Variants in STK11IP observed in about 807,000 individuals in gnomAD.
STK11IP encodes the protein serine/threonine-protein kinase 11-interacting protein.
Under a neutral mutation model 131.7 loss-of-function variants are expected in STK11IP, and 103 were observed. That is an observed-to-expected ratio of 0.78 (90% CI 0.67 to 0.92). The LOEUF (loss-of-function observed/expected upper bound fraction) is 0.92. Ranked by LOEUF, STK11IP falls within the 40% of genes least tolerant of loss-of-function variation. The pLI, the probability that STK11IP is intolerant of heterozygous loss-of-function variation, is 0.00. For missense variants in STK11IP, 1,315 were observed against 1,385.7 expected, an observed-to-expected ratio of 0.95 and a Z score of 0.81; for synonymous variants, 557 against 575.6, an observed-to-expected ratio of 0.97 and a Z score of 0.46.
In STK11IP at chr2:219,614,780, C is replaced by T. The variant is rs148202328; in HGVS notation, c.2869+234C>T. ...GTTACCCAGAGCCTTTGCTCTCGGG[C>T]CCAGGCTTTCTATGAAGTGGAGCAG... On this transcript the variant is annotated intron_variant, in intron 23 of 24. Transcript: ENST00000456909. 4.0e-4 allele frequency: 272 copies of T among 686,142 alleles called. 2 individuals carry two copies. The East Asian group carries it at 7.3e-3, about 18-fold the overall frequency. The allele number at this position is 686,142 out of a possible 1,614,324, so 42.5% of individuals were successfully genotyped here.
chr2:219,601,832 C>G, intron 4 of STK11IP, 117 bp downstream of exon 4: 1 of 1,281,254 alleles, frequency 7.8e-7, no homozygotes, highest in South Asian at 1.3e-5. Context: ...ACCCATTGCT[C>G]TGCAGTCATG....
chr2:219,609,555 C>A lies in STK11IP; in HGVS notation c.2104+15C>A. The A allele has an allele frequency of 6.4e-7, 1 of 1,553,506 alleles. No homozygotes were observed. Among genetic ancestry groups the A allele is most frequent in the South Asian group, 1.2e-5 (1 of 84,200 alleles). On this transcript the variant is annotated intron_variant, in intron 17 of 24. Transcript: ENST00000456909. ...CCAAAAGACAGGTACAAGTCCTGCC[C>A]TTGACCTCTCTGCCCACACGCCTCC...
chr2:219,605,749 G>A lies in STK11IP; in HGVS notation c.745+15G>A. On this transcript the variant is annotated intron_variant, in intron 8 of 24. Transcript: ENST00000456909. ...GAGCCTGCATGGTGAGTGGGGGTGT[G>A]TGATGGGGCAAGCATGGAGGGGAAG... The A allele has an allele frequency of 1.3e-6, 2 of 1,596,804 alleles. No homozygotes were observed.
At position 219,613,180 on chromosome 2, in the gene STK11IP, T is replaced by C; in HGVS notation, c.2492T>C (p.Val831Ala). The change falls in exon 20 of 25, where the codon GTG becomes GCG. Residue 831 changes from valine to alanine, a missense_variant. Physicochemically the swap from Val to Ala is moderately conservative, Grantham distance 64. Coordinates refer to ENST00000456909, the MANE Select transcript of STK11IP (RefSeq NM_052902.4). ...HTGEFMCLVV[V>A]SDRRLYLLKV... ...GGGGAGTTCATGTGCCTTGTGGTTG[T>C]GTCTGACCGCAGGCTGTACCTGTTG... 1 of 1,609,488 alleles carries C rather than the reference T, an allele frequency of 6.2e-7. No homozygotes were observed. The highest frequency in any genetic ancestry group is 8.5e-7 in the Non-Finnish European group (1 of 1,178,184).
intron 1 of STK11IP, 26 bp from the exon 2 acceptor site, chr2:219,598,068 C>T (rs915569701): frequency 6.4e-7 from 1 of 1,574,552 alleles, no homozygotes; most frequent in East Asian, 2.4e-5. Flanking sequence ...ACCTGAGGCT[C>T]TTCCGCTTCC....
At chr2:219,614,895 G>A (rs943415126) in intron 23 of STK11IP, 199 bp from the exon 24 acceptor site, 4 of 659,222 alleles carry the variant, frequency 6.1e-6, no homozygotes, top group Non-Finnish European at 1.0e-5. Flanking sequence ...AGTGGGGGGC[G>A]GTAGGCCTCA....
At chr2:219,614,068 G>A in intron 21 of STK11IP, 93 bp from the exon 22 acceptor site, 3 of 1,549,786 alleles carry the variant, frequency 1.9e-6, no homozygotes, top group Non-Finnish European at 2.7e-6. Context: ...CTGAAATCCA[G>A]AAATGTGGAG....
In STK11IP at chr2:219,608,270, G is replaced by A. The variant is rs774092239; in HGVS notation, c.1443G>A (p.Glu481=). Reference sequence around the variant, plus strand: ...AGGAGGAAGCCAGAGGCCCCCAGGAGTCACCACAGAAAATGTCAGAGGAGG... The same window carrying A: ...AGGAGGAAGCCAGAGGCCCCCAGGAATCACCACAGAAAATGTCAGAGGAGG... ...PPQEEARGPQ[E]SPQKMSEEVR... Residue 481 remains glutamate (E), a synonymous_variant, in exon 14 of 25, where the codon GAG becomes GAA. Coordinates refer to ENST00000456909, the MANE Select transcript of STK11IP (RefSeq NM_052902.4). 5 of 1,613,354 alleles carry A rather than the reference G, an allele frequency of 3.1e-6. No individual in the cohort carries two copies. The highest frequency in any genetic ancestry group is 1.1e-5 in the South Asian group (1 of 91,044).
At chr2:219,602,882 G>C in intron 7 of STK11IP, 106 bp downstream of exon 7, 1 of 1,094,954 alleles carries the variant, frequency 9.1e-7, no homozygotes, top group African/African-American at 1.6e-5. Context: ...CTTGCCATGA[G>C]GGTGGAGCTG....
At position 219,609,166 on chromosome 2, in the gene STK11IP, T is replaced by C. The variant is rs1401019682; in HGVS notation, c.1879T>C (p.Leu627=). Residue 627 remains leucine, a synonymous_variant, in exon 16 of 25, where the codon TTG becomes CTG. Coordinates refer to ENST00000456909, the MANE Select transcript of STK11IP (RefSeq NM_052902.4). ...RFSYICPDRQ[L]RRYLVLEPDA... The stretch of plus-strand genomic sequence containing the variant: ...CTCCTACATCTGCCCTGACCGGCAG[T>C]TGCGTCGCTATTTGGTGCTGGAGCC... 1 of 1,610,406 alleles carries C rather than the reference T, an allele frequency of 6.2e-7. No individual in the cohort carries two copies.
In STK11IP at chr2:219,602,728, C is replaced by T; in HGVS notation, c.570C>T (p.Phe190=). The change falls in exon 7 of 25, where the codon TTC becomes TTT. Residue 190 remains phenylalanine (F), a synonymous_variant. Transcript: ENST00000456909. ...SSLRLLSALR[F]LNLSHNQVQD... ...AGCGCCTCTTGTCAGCTCTGCGTTT[C>T]TTGAACCTAAGCCACAATCAAGTCC... The T allele has an allele frequency of 6.2e-7, 1 of 1,613,192 alleles. No individual in the cohort carries two copies. Among genetic ancestry groups the T allele is most frequent in the South Asian group, 1.1e-5 (1 of 90,976 alleles).
rs560482742 is a variant in STK11IP at position 219,614,034 on chromosome 2, A to G, written c.2716+104A>G. The G allele has an allele frequency of 1.0e-5, 15 of 1,499,986 alleles. 1 individual carries two copies. The South Asian group carries it at 1.6e-4, about 16-fold the overall frequency. 92.9% of individuals were successfully genotyped at this position (1,499,986 alleles called of 1,614,324 possible). A position where few individuals can be genotyped will look rare whatever the true frequency, so the allele number is the denominator to read the frequency against. ...CCAGTAGCGGAGACAGAGAGGTAAC[A>G]GGACTTGTCCCTTGTAGAAGTTTCT... On this transcript the variant is annotated intron_variant, in intron 21 of 24. Coordinates refer to ENST00000456909, the MANE Select transcript of STK11IP (RefSeq NM_052902.4).
intron 13 of STK11IP, 77 bp from the exon 14 acceptor site, chr2:219,607,970 T>C: frequency 6.5e-7 from 1 of 1,545,634 alleles, no homozygotes; most frequent in South Asian, 1.2e-5. Context: ...CCCTCATCGC[T>C]GAGGAGCACC....
intron 24 of STK11IP, 116 bp downstream of exon 24, chr2:219,615,457 G>A: frequency 4.4e-6 from 6 of 1,371,356 alleles, no homozygotes; most frequent in Non-Finnish European, 4.9e-6. Context: ...TGGCAGGATG[G>A]CACTTACAGA....
chr2:219,609,894 C>T (rs1426532367), intron 17 of STK11IP, among the ~76,000 whole-genome samples: 3 of 152,032 alleles, frequency 2.0e-5, no homozygotes, highest in African/African-American at 7.2e-5. Flanking sequence ...CCTAATGAGC[C>T]CTCACTGCAG....
Position 219,602,551 on chromosome 2 carries a change from A to G in STK11IP, c.522A>G (p.Ala174=), listed in dbSNP as rs1698022777. Residue 174 remains alanine, a synonymous_variant, in exon 6 of 25, where the codon GCA becomes GCG. Coordinates refer to ENST00000456909, the MANE Select transcript of STK11IP (RefSeq NM_052902.4). ...ALLSANFSYN[A]LTALDSSLRL... ...TTTCTGCCAACTTCAGCTACAATGC[A>G]CTGACCGCCTTAGACAGCTCCCTGG... The G allele has an allele frequency of 6.2e-7, 1 of 1,614,002 alleles. No homozygotes were observed. Among genetic ancestry groups the G allele is most frequent in the Non-Finnish European group, 8.5e-7 (1 of 1,179,888 alleles).
chr2:219,608,561 T>C, intron 14 of STK11IP, 22 bp from the exon 15 acceptor site: 1 of 1,560,252 alleles, frequency 6.4e-7, no homozygotes. Flanking sequence ...CCTGCAGGCC[T>C]TTTCTCTTGG....
rs768524783 is a variant in STK11IP, at chr2:219,608,776, G to A, written c.1797G>A (p.Ser599=). 12 of 1,604,368 alleles carry A rather than the reference G, an allele frequency of 7.5e-6. No individual in the cohort carries two copies. Among genetic ancestry groups the A allele is most frequent in the South Asian group, 4.5e-5 (4 of 89,848 alleles). The change falls in exon 15 of 25, where the codon TCG becomes TCA. Residue 599 remains serine, a synonymous_variant. Coordinates refer to ENST00000456909, the MANE Select transcript of STK11IP (RefSeq NM_052902.4). The part of the protein sequence containing the change: ...EIEPEAQAQR[S]PRPTGSDLLP... ...AGCCGGAGGCCCAGGCCCAGAGGTC[G>A]CCCAGGCCCACGGTGAGTGGGGCGT... is the stretch of plus-strand genomic sequence containing the variant.
rs375636592 is a variant in STK11IP, at chr2:219,607,105, C to G, written c.1187C>G (p.Pro396Arg). Residue 396 changes from proline (P) to arginine (R), a missense_variant, in exon 13 of 25, where the codon CCG becomes CGG. Pro to Arg is a moderately radical substitution (Grantham distance 103). Coordinates refer to ENST00000456909, the MANE Select transcript of STK11IP (RefSeq NM_052902.4). ...ASISEPSDTDPEPRTLNPSPA... is the reference protein window; with the variant it reads ...ASISEPSDTDREPRTLNPSPA... ...ATCTCTGAACCCAGTGATACGGACC[C>G]GGAGCCCCGAACTCTGAACCCCTCT... is the stretch of plus-strand genomic sequence containing the variant. The G allele has an allele frequency of 2.5e-6, 4 of 1,613,900 alleles. No homozygotes were observed. Among genetic ancestry groups the G allele is most frequent in the Non-Finnish European group, 3.4e-6 (4 of 1,179,892 alleles).
Sources: allele counts gnomAD v4.1 joint callset (sites outside exome capture counted in the v4.1 genomes callset), GRCh38; gene constraint gnomAD v4.1.1; transcripts MANE v1.5; gene names NCBI Gene and HGNC (gene_info 2026-07-23, HGNC 2026-07-21).